Variants in PTTG1IP2 observed in about 807,000 individuals in gnomAD.
PTTG1IP2 encodes PTTG1IP family member 2.
rs148597735 is a variant in PTTG1IP2, at chr7:90,481,364, A to C, written c.192+2090A>C. Among the ~76,000 whole-genome samples, 11 of 152,256 alleles carry C rather than the reference A, an allele frequency of 7.2e-5. No individual in the cohort carries two copies. The East Asian group carries it at 2.1e-3, about 29-fold the overall frequency. On this transcript the variant is annotated intron_variant, in intron 2 of 6. Coordinates refer to ENST00000509356, the MANE Select transcript of PTTG1IP2 (RefSeq NM_001365443.2). ...TTTATATTTTCGTTTGCTGTGCATT[A>C]CTAGCTGATTGCTGCTTGAGCATAT...
chr7:90,481,821 T>C lies in PTTG1IP2; in HGVS notation c.192+2547T>C, dbSNP rs576626180. ...GTTTTTTTATTCATCTTTGTATCTC[T>C]AACACCTCACACATTTCCCACACAT... On this transcript the variant is annotated intron_variant, in intron 2 of 6. Coordinates refer to ENST00000509356, the MANE Select transcript of PTTG1IP2 (RefSeq NM_001365443.2). Among the ~76,000 whole-genome samples the C allele has an allele frequency of 3.3e-5, 5 of 152,282 alleles. No individual in the cohort carries two copies. The South Asian group carries it at 8.3e-4, about 25-fold the overall frequency.
intron 1 of PTTG1IP2, among the ~76,000 whole-genome samples, chr7:90,475,157 C>G (rs546862692): frequency 1.3e-5 from 2 of 152,264 alleles, no homozygotes; most frequent in South Asian, 4.1e-4. Context: ...GCTAAGGAAC[C>G]CAGGACTAAG....
chr7:90,498,257 C>T (rs1247589419), intron 6 of PTTG1IP2, among the ~76,000 whole-genome samples: 1 of 152,192 alleles, frequency 6.6e-6, no homozygotes, highest in African/African-American at 2.4e-5. Flanking sequence ...GATCTCCTGA[C>T]CTCATGAGAA....
At chr7:90,474,197 A>G (rs963646020) in intron 1 of PTTG1IP2, among the ~76,000 whole-genome samples, 2 of 152,234 alleles carry the variant, frequency 1.3e-5, no homozygotes, top group African/African-American at 2.4e-5. Context: ...TTGTAACACA[A>G]TGGTAAGTAT....
At chr7:90,505,561 G>A (rs1234526155) in intron 6 of PTTG1IP2, among the ~76,000 whole-genome samples, 1 of 152,192 alleles carries the variant, frequency 6.6e-6, no homozygotes, top group African/African-American at 2.4e-5. Context: ...TTAACCTACT[G>A]TTTCCTTCTG....
chr7:90,492,698 G>A (rs886923154), intron 5 of PTTG1IP2, among the ~76,000 whole-genome samples: 11 of 152,006 alleles, frequency 7.2e-5, no homozygotes, highest in African/African-American at 2.7e-4. Context: ...TGATAAAGAT[G>A]GGCTAAAATT....
intron 4 of PTTG1IP2, among the ~76,000 whole-genome samples, chr7:90,491,321 A>C (rs1333928471): frequency 2.0e-5 from 3 of 152,230 alleles, no homozygotes; most frequent in Non-Finnish European, 4.4e-5. Flanking sequence ...TAGGGATATA[A>C]CAATAAGCAA....
At chr7:90,511,821 C>A (rs1202643452) in intron 6 of PTTG1IP2, among the ~76,000 whole-genome samples, 1 of 152,124 alleles carries the variant, frequency 6.6e-6, no homozygotes, top group Non-Finnish European at 1.5e-5. Context: ...GTCTCGGTTT[C>A]TTCATCTGTA....
At chr7:90,499,071 C>T (rs1233407039) in intron 6 of PTTG1IP2, among the ~76,000 whole-genome samples, 6 of 152,088 alleles carry the variant, frequency 3.9e-5, no homozygotes, top group African/African-American at 1.4e-4. Context: ...AGGCTGGTCT[C>T]GAACCCCTGG....
intron 2 of PTTG1IP2, among the ~76,000 whole-genome samples, chr7:90,481,908 C>T (rs907727769): frequency 2.5e-4 from 38 of 152,064 alleles, no homozygotes; most frequent in Middle Eastern, 3.4e-3. Context: ...TAAATTAATT[C>T]AGTATACTCT....
At chr7:90,487,255 A>G (rs11563867) in intron 2 of PTTG1IP2, 72 bp from the exon 3 acceptor site, 60,476 of 152,456 alleles carry the variant, frequency 0.4, 13,021 homozygotes, top group Non-Finnish European at 0.5. Flanking sequence ...TATTGAGTTA[A>G]TACTAAAAAC....
rs761612531 is a variant in PTTG1IP2 at position 90,492,591 on chromosome 7, A to G, written c.451+282A>G. On this transcript the variant is annotated intron_variant, in intron 5 of 6. Coordinates refer to ENST00000509356, the MANE Select transcript of PTTG1IP2 (RefSeq NM_001365443.2). Reference sequence around the variant, plus strand: ...TGAAAACAACAACAAAAATCAAAGTATGGTAGGACTCATAACAACAGATTT... The same window carrying G: ...TGAAAACAACAACAAAAATCAAAGTGTGGTAGGACTCATAACAACAGATTT... Among the ~76,000 whole-genome samples, 18 of 152,328 alleles carry G rather than the reference A, an allele frequency of 1.2e-4. No individual in the cohort carries two copies. The Middle Eastern group carries it at 0.01, about 86-fold the overall frequency.
intron 6 of PTTG1IP2, among the ~76,000 whole-genome samples, chr7:90,507,128 A>G (rs1798133634): frequency 6.6e-6 from 1 of 152,234 alleles, no homozygotes; most frequent in African/African-American, 2.4e-5. Context: ...GAAGTTAGTT[A>G]TAATAATTAG....
At chr7:90,475,517 G>T (rs574037018) in intron 1 of PTTG1IP2, among the ~76,000 whole-genome samples, 1 of 152,246 alleles carries the variant, frequency 6.6e-6, no homozygotes, top group South Asian at 2.1e-4. Flanking sequence ...CTCAATAATT[G>T]AGCCATGGAA....
intron 5 of PTTG1IP2, among the ~76,000 whole-genome samples, chr7:90,492,845 A>G (rs1288162836): frequency 6.6e-6 from 1 of 152,122 alleles, no homozygotes; most frequent in Admixed American, 6.5e-5. Flanking sequence ...TCATCTACCT[A>G]GTTCCTTGGC....
At chr7:90,503,847 GAC>G (rs1207047721) in intron 6 of PTTG1IP2, among the ~76,000 whole-genome samples, 4 of 152,146 alleles carry the variant, frequency 2.6e-5, no homozygotes, top group Non-Finnish European at 5.9e-5. Flanking sequence ...ATGTGATAGA[GAC>G]ACAGAGTGAG....
At chr7:90,476,734 T>A (rs190429097) in intron 1 of PTTG1IP2, among the ~76,000 whole-genome samples, 1 of 152,234 alleles carries the variant, frequency 6.6e-6, no homozygotes. Flanking sequence ...AGATGACATA[T>A]GACAAACCTT....
intron 6 of PTTG1IP2, among the ~76,000 whole-genome samples, chr7:90,508,937 C>T (rs1321704496): frequency 1.3e-5 from 2 of 152,154 alleles, no homozygotes; most frequent in African/African-American, 4.8e-5. Context: ...TGCTCAATGT[C>T]GCACAGGTGA....
chr7:90,505,366 T>A (rs939517646), intron 6 of PTTG1IP2, among the ~76,000 whole-genome samples: 12 of 152,232 alleles, frequency 7.9e-5, no homozygotes, highest in Non-Finnish European at 7.3e-5. Flanking sequence ...GTACAACCAA[T>A]AGGAATTTAC....
Sources: gnomAD v4.1 joint callset for allele counts (sites outside exome capture counted in the v4.1 genomes callset) on GRCh38, gnomAD v4.1.1 for gene constraint, MANE v1.5 for transcripts, NCBI Gene and HGNC (gene_info 2026-07-23, HGNC 2026-07-21) for gene names.